The following MRTFB variants were observed in gnomAD, a reference collection of about 807,000 sequenced individuals.
MRTFB encodes myocardin related transcription factor B.
MRTFB carries 29 observed loss-of-function variants against 104.2 expected under a neutral mutation model. That is an observed-to-expected ratio of 0.28 (90% confidence interval 0.21 to 0.38). The LOEUF (loss-of-function observed/expected upper bound fraction) is 0.38. MRTFB is among the 10% of genes least tolerant of loss of function. The pLI is 1.00. For synonymous variants in MRTFB, 535 were observed against 519.5 expected, an observed-to-expected ratio of 1.03 and a Z score of -0.41; for missense variants, 1,270 against 1,341.6, an observed-to-expected ratio of 0.95 and a Z score of 0.83.
At chr16:14,165,158 G>A (rs1396288919) in intron 3 of MRTFB, among the ~76,000 whole-genome samples, 1 of 151,804 alleles carries the variant, frequency 6.6e-6, no homozygotes, top group Non-Finnish European at 1.5e-5. Flanking sequence ...TTAGTAGGTT[G>A]TAAGTTTAGA....
chr16:14,113,565 G>A (rs2036385909), intron 2 of MRTFB, among the ~76,000 whole-genome samples: 1 of 152,172 alleles, frequency 6.6e-6, no homozygotes, highest in African/African-American at 2.4e-5. Flanking sequence ...GTGGGAGGTT[G>A]AAGTGGAGAG....
chr16:14,083,665 A>G (rs1279038744), intron 2 of MRTFB, among the ~76,000 whole-genome samples: 1 of 152,202 alleles, frequency 6.6e-6, no homozygotes, highest in Non-Finnish European at 1.5e-5. Context: ...CGGGTAATGT[A>G]AAACTATCCT....
chr16:14,257,958 A>G, intron 15 of MRTFB, 143 bp from the exon 16 acceptor site: 1 of 680,156 alleles, frequency 1.5e-6, no homozygotes. Context: ...AAATGGCTTA[A>G]CTTCTCAGGT....
the MRTFB span, among the ~76,000 whole-genome samples, chr16:14,008,432 G>A: frequency 4.5e-3 from 687 of 152,236 alleles, 4 homozygotes; most frequent in African/African-American, 0.016. Flanking sequence ...TAGCTACTCC[G>A]TTGTCCTACC....
At chr16:14,014,592 G>A in the MRTFB span, among the ~76,000 whole-genome samples, 1 of 152,010 alleles carries the variant, frequency 6.6e-6, no homozygotes, top group Admixed American at 6.5e-5. Flanking sequence ...AGTGGCTCAC[G>A]CCTGTAATCT....
chr16:14,144,358 T>A (rs1475666348), intron 3 of MRTFB: 1 of 152,194 alleles, frequency 6.6e-6, no homozygotes, highest in Admixed American at 6.5e-5. Flanking sequence ...CTAATTTGCA[T>A]ATACATTCCA....
intron 2 of MRTFB, among the ~76,000 whole-genome samples, chr16:14,125,495 G>C (rs1400012528): frequency 6.6e-6 from 1 of 152,358 alleles, no homozygotes; most frequent in Admixed American, 6.5e-5. Flanking sequence ...ACCCCCAGAG[G>C]TGCTGTGCCT....
intron 3 of MRTFB, among the ~76,000 whole-genome samples, chr16:14,198,590 C>G (rs1331509346): frequency 6.6e-6 from 1 of 152,208 alleles, no homozygotes; most frequent in Non-Finnish European, 1.5e-5. Flanking sequence ...CCATGTTTCT[C>G]TTCTTGACTT....
chr16:14,170,051 T>C (rs2142984476), intron 3 of MRTFB: 1 of 152,300 alleles, frequency 6.6e-6, no homozygotes, highest in African/African-American at 2.4e-5. Flanking sequence ...ACTGTAACAT[T>C]TTCAAGTATT....
At chr16:14,026,577 T>G in the MRTFB span, among the ~76,000 whole-genome samples, 2 of 152,186 alleles carry the variant, frequency 1.3e-5, no homozygotes, top group Admixed American at 1.3e-4. Flanking sequence ...GAACTTTAGT[T>G]TTAATGAAAG....
chr16:14,060,816 C>A, the MRTFB span, among the ~76,000 whole-genome samples: 1 of 152,034 alleles, frequency 6.6e-6, no homozygotes, highest in Non-Finnish European at 1.5e-5. Flanking sequence ...TAGGCTAGTG[C>A]ATGCTATGAC....
chr16:14,240,129 G>C, intron 9 of MRTFB, 108 bp from the exon 10 acceptor site: 1 of 1,293,308 alleles, frequency 7.7e-7, no homozygotes, highest in Non-Finnish European at 1.0e-6. Context: ...GGCTGTACCC[G>C]TATCTAAGGT....
At chr16:14,172,635 A>G (rs771560695) in intron 3 of MRTFB, among the ~76,000 whole-genome samples, 20 of 152,156 alleles carry the variant, frequency 1.3e-4, no homozygotes, top group Admixed American at 3.3e-4. Flanking sequence ...TTCGCATTCC[A>G]ACTAGCACTG....
intron 15 of MRTFB, among the ~76,000 whole-genome samples, chr16:14,257,495 C>T (rs980612049): frequency 6.6e-6 from 1 of 151,682 alleles, no homozygotes; most frequent in Non-Finnish European, 1.5e-5. Flanking sequence ...AGTCCTTCCC[C>T]TACCACCAAG....
chr16:14,106,588 T>C (rs2035989742), intron 2 of MRTFB, among the ~76,000 whole-genome samples: 1 of 152,202 alleles, frequency 6.6e-6, no homozygotes, highest in Admixed American at 6.5e-5. Context: ...GGAGACTCTC[T>C]GTAAAGGGTA....
At chr16:14,182,686 A>G (rs1169287730) in intron 3 of MRTFB, among the ~76,000 whole-genome samples, 1 of 152,174 alleles carries the variant, frequency 6.6e-6, no homozygotes, top group Non-Finnish European at 1.5e-5. Context: ...GGTTCTAAAC[A>G]AAGCAGGGAA....
At chr16:14,000,745 C>G in the MRTFB span, among the ~76,000 whole-genome samples, 2 of 152,170 alleles carry the variant, frequency 1.3e-5, no homozygotes, top group Admixed American at 6.5e-5. Context: ...ACCTCTCTGT[C>G]CCCTTTGTCC....
At chr16:14,157,425 G>C (rs1322777393) in intron 3 of MRTFB, among the ~76,000 whole-genome samples, 1 of 152,230 alleles carries the variant, frequency 6.6e-6, no homozygotes, top group African/African-American at 2.4e-5. Context: ...CAAAATCTCT[G>C]TGGTCTGGCT....
At chr16:14,128,444 A>G (rs1202867012) in intron 2 of MRTFB, among the ~76,000 whole-genome samples, 6 of 152,228 alleles carry the variant, frequency 3.9e-5, no homozygotes, top group Admixed American at 2.0e-4. Context: ...GATGTTATCT[A>G]TAACATAGCC....
Sources: allele counts gnomAD v4.1 joint callset (sites outside exome capture counted in the v4.1 genomes callset), GRCh38; gene constraint gnomAD v4.1.1; transcripts MANE v1.5; gene names NCBI Gene and HGNC (gene_info 2026-07-23, HGNC 2026-07-21).